The following ARHGAP24 variants were observed in gnomAD, a reference collection of about 807,000 sequenced individuals.
The protein encoded by ARHGAP24 is rho GTPase-activating protein 24.
A neutral mutation model predicts 76.4 loss-of-function variants in ARHGAP24; 50 were observed. That is an observed-to-expected ratio of 0.65 (90% CI 0.52 to 0.83). The LOEUF (loss-of-function observed/expected upper bound fraction) is 0.83. Among genes scored for constraint, ARHGAP24 ranks in the 40% least tolerant of loss-of-function variants. The probability of loss-of-function intolerance (pLI) is 0.00; values close to 1 mark genes in which losing one functional copy is unlikely to be tolerated. For synonymous variants in ARHGAP24, 345 were observed against 323.3 expected (o/e 1.07, Z -0.72); for missense variants, 930 against 914.2 (o/e 1.02, Z -0.22).
intron 3 of ARHGAP24, among the ~76,000 whole-genome samples, chr4:85,769,487 GATA>G (rs1727049527): frequency 1.3e-5 from 2 of 151,966 alleles, no homozygotes; most frequent in African/African-American, 2.4e-5. Context: ...AATAAAGAAA[GATA>G]ATGTTTTCTT....
chr4:85,994,485 G>T, intron 8 of ARHGAP24, 98 bp from the exon 9 acceptor site: 1 of 1,169,306 alleles, frequency 8.6e-7, no homozygotes, highest in South Asian at 1.2e-5. Context: ...TAATAATAAT[G>T]AATGTTCTCT....
At chr4:85,923,011 T>C (rs1735813847) in intron 3 of ARHGAP24, among the ~76,000 whole-genome samples, 2 of 151,892 alleles carry the variant, frequency 1.3e-5, no homozygotes, top group African/African-American at 4.8e-5. Context: ...CCATTGGGGG[T>C]GTTGATCTGG....
intron 8 of ARHGAP24, among the ~76,000 whole-genome samples, chr4:85,987,059 G>A (rs1035699317): frequency 3.3e-5 from 5 of 152,106 alleles, no homozygotes; most frequent in African/African-American, 1.2e-4. Flanking sequence ...AAAACCCATA[G>A]AGCATACAAC....
At chr4:85,905,411 G>A (rs1734719988) in intron 3 of ARHGAP24, among the ~76,000 whole-genome samples, 1 of 152,008 alleles carries the variant, frequency 6.6e-6, no homozygotes, top group African/African-American at 2.4e-5. Flanking sequence ...AAAAAATTGT[G>A]ATAATTAACT....
chr4:85,646,648 C>G (rs1439101032), intron 2 of ARHGAP24, among the ~76,000 whole-genome samples: 4 of 152,014 alleles, frequency 2.6e-5, no homozygotes, highest in African/African-American at 7.2e-5. Flanking sequence ...ATTTATTTAA[C>G]AGTTTATGAT....
At position 85,477,383 on chromosome 4, in the gene ARHGAP24, TAAG is replaced by T. The variant is rs745412398; in HGVS notation, c.-21+1828_-21+1830del. 1.5e-4 allele frequency among the ~76,000 whole-genome samples: 23 copies of T among 152,244 alleles called. 1 individual carries two copies. The highest frequency in any genetic ancestry group is 2.6e-4 in the Admixed American group (4 of 15,290). On this transcript the variant is annotated intron_variant, in intron 1 of 9. Transcript: ENST00000395184. ...AACTATTTTGAAAATATAAGCCTGA[TAAG>T]AAGTGGGAAAGAATTAAGTTATCTA...
chr4:85,992,073 A>T, intron 8 of ARHGAP24: 1 of 397,138 alleles, frequency 2.5e-6, no homozygotes, highest in East Asian at 3.6e-5. Flanking sequence ...GCACAGTGGA[A>T]CTCCAGAATC....
chr4:85,492,027 T>C (rs150918192), intron 1 of ARHGAP24, among the ~76,000 whole-genome samples: 1 of 152,170 alleles, frequency 6.6e-6, no homozygotes, highest in African/African-American at 2.4e-5. Context: ...TGGTTCTTTT[T>C]ATTTCCTCTC....
intron 3 of ARHGAP24, among the ~76,000 whole-genome samples, chr4:85,917,211 T>C (rs572009945): frequency 4.1e-4 from 63 of 152,208 alleles, no homozygotes; most frequent in Non-Finnish European, 7.2e-4. Flanking sequence ...TGATTTCCAA[T>C]TTCATCCATG....
At chr4:85,626,855 T>C (rs2110009114) in intron 2 of ARHGAP24, among the ~76,000 whole-genome samples, 1 of 152,332 alleles carries the variant, frequency 6.6e-6, no homozygotes, top group South Asian at 2.1e-4. Context: ...CTCTTTCTTC[T>C]AGTTGATCGC....
chr4:85,853,959 A>G (rs1219323628), intron 3 of ARHGAP24, among the ~76,000 whole-genome samples: 3 of 131,872 alleles, frequency 2.3e-5, no homozygotes, highest in African/African-American at 5.3e-5. Flanking sequence ...CAAAAACAAA[A>G]AACAAAAAGA....
At chr4:85,597,469 G>T (rs908048133) in intron 2 of ARHGAP24, among the ~76,000 whole-genome samples, 1 of 151,936 alleles carries the variant, frequency 6.6e-6, no homozygotes, top group Non-Finnish European at 1.5e-5. Context: ...TGCTGAAAAG[G>T]GTGAGGGGTA....
intron 5 of ARHGAP24, among the ~76,000 whole-genome samples, chr4:85,966,536 A>T (rs1738619298): frequency 6.6e-6 from 1 of 152,186 alleles, no homozygotes. Context: ...GTTTTGACAG[A>T]TACATAAAAA....
At chr4:85,887,986 C>T (rs995397568) in intron 3 of ARHGAP24, among the ~76,000 whole-genome samples, 4 of 152,058 alleles carry the variant, frequency 2.6e-5, no homozygotes, top group Non-Finnish European at 5.9e-5. Context: ...ATATATAAAT[C>T]AATGTTTTCC....
intron 2 of ARHGAP24, among the ~76,000 whole-genome samples, chr4:85,614,738 G>A (rs991243514): frequency 1.3e-5 from 2 of 151,992 alleles, no homozygotes; most frequent in African/African-American, 4.8e-5. Flanking sequence ...ATGGCCCAGG[G>A]TGAATTTTCA....
At chr4:85,741,117 T>C (rs1216970028) in intron 3 of ARHGAP24, among the ~76,000 whole-genome samples, 4 of 152,218 alleles carry the variant, frequency 2.6e-5, no homozygotes, top group African/African-American at 4.8e-5. Context: ...CACATAACCA[T>C]TTTGCTGTTC....
intron 3 of ARHGAP24, among the ~76,000 whole-genome samples, chr4:85,879,919 C>A (rs563506152): frequency 1.3e-5 from 2 of 151,972 alleles, no homozygotes; most frequent in African/African-American, 4.8e-5. Flanking sequence ...GAGCAGGCAA[C>A]CTGGATTCCT....
intron 1 of ARHGAP24, among the ~76,000 whole-genome samples, chr4:85,498,532 C>T (rs994539719): frequency 1.1e-4 from 17 of 152,224 alleles, no homozygotes; most frequent in Non-Finnish European, 2.1e-4. Context: ...GCCCTAACTC[C>T]CTGCCCCAAA....
intron 9 of ARHGAP24, among the ~76,000 whole-genome samples, chr4:85,998,383 A>G (rs1740804993): frequency 6.6e-6 from 1 of 152,014 alleles, no homozygotes; most frequent in Non-Finnish European, 1.5e-5. Context: ...TCTGATATTA[A>G]TATTGTCCTA....
Sources: allele counts gnomAD v4.1 joint callset (sites outside exome capture counted in the v4.1 genomes callset), GRCh38; gene constraint gnomAD v4.1.1; transcripts MANE v1.5; gene names NCBI Gene and HGNC (gene_info 2026-07-23, HGNC 2026-07-21).